The following NRBP2 variants were observed in gnomAD, a reference collection of about 807,000 sequenced individuals.
The protein encoded by NRBP2 is nuclear receptor binding protein 2.
NRBP2 carries 47 observed loss-of-function variants against 74.4 expected under a neutral mutation model. The ratio of observed to expected loss-of-function variants is 0.63; its 90% CI spans 0.50 to 0.81. The LOEUF (loss-of-function observed/expected upper bound fraction) is 0.81. NRBP2 is among the 30% of genes least tolerant of loss of function. The probability of loss-of-function intolerance (pLI) is 0.00; values close to 1 mark genes in which losing one functional copy is unlikely to be tolerated. For missense variants in NRBP2, 613 were observed against 690.1 expected, an observed-to-expected ratio of 0.89 and a Z score of 1.25; for synonymous variants, 312 against 273.8, an observed-to-expected ratio of 1.14 and a Z score of -1.38.
chr8:143,836,243 AG>A, intron 14 of NRBP2, 63 bp from the exon 15 acceptor site: 1 of 1,452,178 alleles, frequency 6.9e-7, no homozygotes, highest in Non-Finnish European at 9.0e-7. Context: ...GCGGCCCCAA[AG>A]GGGCCGGGAA....
chr8:143,831,889 C>T (rs1160634456), downstream of NRBP2, among the ~76,000 whole-genome samples: 2 of 152,194 alleles, frequency 1.3e-5, no homozygotes, highest in Non-Finnish European at 2.9e-5. Context: ...AAGAAAATGA[C>T]ACAATACCCT....
chr8:143,836,507 G>T (rs1256067562), intron 14 of NRBP2, among the ~76,000 whole-genome samples: 1 of 151,964 alleles, frequency 6.6e-6, no homozygotes, highest in Non-Finnish European at 1.5e-5. Context: ...CCCAGAGCCT[G>T]GGTGTCAGCT....
chr8:143,839,125 G>C lies in NRBP2; in HGVS notation c.605-25C>G. 2.0e-6 allele frequency: 3 copies of C among 1,512,016 alleles called. No homozygotes were observed. Among genetic ancestry groups the C allele is most frequent in the Non-Finnish European group, 2.6e-6 (3 of 1,132,294 alleles). The allele number at this position is 1,512,016 out of a possible 1,614,324, so 93.7% of individuals were successfully genotyped here. ...GCTGTGGGAGGGCGCAGAGCTGAGC[G>C]GGCGGGGACCTCTCCAGGACCCCGT... is the stretch of plus-strand genomic sequence containing the variant. On this transcript the variant is annotated intron_variant, in intron 7 of 17. Coordinates refer to ENST00000442628, the MANE Select transcript of NRBP2 (RefSeq NM_178564.4). The surrounding 1 kb of genome is among the most constrained non-coding windows in gnomAD (Gnocchi z 5.1).
At position 143,840,668 on chromosome 8, in the gene NRBP2, A is replaced by G; in HGVS notation, c.129+38T>C. The G allele has an allele frequency of 7.0e-7, 1 of 1,425,492 alleles. No homozygotes were observed. The highest frequency in any genetic ancestry group is 9.2e-7 in the Non-Finnish European group (1 of 1,085,074). The allele number at this position is 1,425,492 out of a possible 1,614,324, so 88.3% of individuals were successfully genotyped here. On this transcript the variant is annotated intron_variant, in intron 1 of 17. Coordinates refer to ENST00000442628, the MANE Select transcript of NRBP2 (RefSeq NM_178564.4). The surrounding 1 kb of genome is among the most constrained non-coding windows in gnomAD (Gnocchi z 5.7). Reference sequence around the variant, plus strand: ...GCCTCCAGGCCCCTCCCGCTCTGGGAGGGCGGTGTCACCCCGTGCCCCAAC... The same window carrying G: ...GCCTCCAGGCCCCTCCCGCTCTGGGGGGGCGGTGTCACCCCGTGCCCCAAC...
downstream of NRBP2, among the ~76,000 whole-genome samples, chr8:143,830,575 G>A (rs1312287056): frequency 6.6e-6 from 1 of 152,232 alleles, no homozygotes; most frequent in African/African-American, 2.4e-5. Context: ...GCAGCTCCTA[G>A]CTCAAAAGAA....
In NRBP2 at chr8:143,840,688, C is replaced by A; in HGVS notation, c.129+18G>T. 6.8e-7 allele frequency: 1 copy of A among 1,472,950 alleles called. No homozygotes were observed. The highest frequency in any genetic ancestry group is 9.0e-7 in the Non-Finnish European group (1 of 1,113,586). The allele number at this position is 1,472,950 out of a possible 1,614,324, so 91.2% of individuals were successfully genotyped here. ...CTGGGAGGGCGGTGTCACCCCGTGCCCCAACCCCCGCGCCCACCTGCTCCC... is the reference window on the plus strand; with the variant it reads ...CTGGGAGGGCGGTGTCACCCCGTGCACCAACCCCCGCGCCCACCTGCTCCC... On this transcript the variant is annotated intron_variant, in intron 1 of 17. Transcript: ENST00000442628. This position sits in a 1 kb window ranked among gnomAD's most constrained non-coding sequence, Gnocchi z 5.7.
At chr8:143,836,966 A>G in intron 14 of NRBP2, 73 bp downstream of exon 14, 2 of 1,522,490 alleles carry the variant, frequency 1.3e-6, no homozygotes, top group East Asian at 2.3e-5. Flanking sequence ...GCCCTAAGAG[A>G]AGGAGGGGCA....
chr8:143,836,275 G>A, intron 14 of NRBP2, 95 bp from the exon 15 acceptor site: 1 of 1,420,178 alleles, frequency 7.0e-7, no homozygotes, highest in Non-Finnish European at 9.2e-7. Flanking sequence ...AGACTGGAAA[G>A]GGGGGAATCT....
At chr8:143,832,072 C>G (rs1376917020), downstream of NRBP2, among the ~76,000 whole-genome samples, 1 of 152,236 alleles carries the variant, frequency 6.6e-6, no homozygotes, top group Non-Finnish European at 1.5e-5. Context: ...TTGTTTTGTA[C>G]TAAGGAAAAT....
At position 143,836,503 on chromosome 8, in the gene NRBP2, G is replaced by A. The variant is rs1457273781; in HGVS notation, c.1264-323C>T. 1.3e-5 allele frequency among the ~76,000 whole-genome samples: 2 copies of A among 151,956 alleles called. 1 individual carries two copies. Among genetic ancestry groups the A allele is most frequent in the Non-Finnish European group, 2.9e-5 (2 of 67,988 alleles). On this transcript the variant is annotated intron_variant, in intron 14 of 17. Transcript: ENST00000442628. ...TGCCTGCGGGATCAGGCCTCCCAGA[G>A]CCTGGGTGTCAGCTGAGGACTCCCA...
Position 143,839,067 on chromosome 8 carries a change from G to T in NRBP2, c.638C>A (p.Ala213Asp). Residue 213 changes from alanine (A) to aspartate (D), a missense_variant, in exon 8 of 18, where the codon GCT becomes GAT. Transcript: ENST00000442628. This position sits in a 1 kb window ranked among gnomAD's most constrained non-coding sequence, Gnocchi z 5.1. Reference sequence around the variant, plus strand: ...CAGGTTCCGAAGTTCCTCTCGCTCAGCGCGGATGGGGCTTCGGAGATCATC... The same window carrying T: ...CAGGTTCCGAAGTTCCTCTCGCTCATCGCGGATGGGGCTTCGGAGATCATC... ...LPDDLRSPIR[A>D]EREELRNLHF... 1 of 1,533,350 alleles carries T rather than the reference G, an allele frequency of 6.5e-7. No individual in the cohort carries two copies. 95.0% of individuals were successfully genotyped at this position (1,533,350 alleles called of 1,614,324 possible).
At chr8:143,832,524 A>G (rs1188095579), downstream of NRBP2, among the ~76,000 whole-genome samples, 1 of 152,236 alleles carries the variant, frequency 6.6e-6, no homozygotes, top group Non-Finnish European at 1.5e-5. Context: ...CTCCATATAA[A>G]ACCTGATTGC....
In NRBP2 at chr8:143,837,833, C is replaced by G. The variant is rs1554652370; in HGVS notation, c.841-78G>C. On this transcript the variant is annotated intron_variant, in intron 10 of 17. Coordinates refer to ENST00000442628, the MANE Select transcript of NRBP2 (RefSeq NM_178564.4). This position sits in a 1 kb window ranked among gnomAD's most constrained non-coding sequence, Gnocchi z 4.3. ...CCCGCAGTTCGAGGAGAGGTGGCCC[C>G]TGAGTTCCCCATGTCCCTCCTCAGG... 1.3e-6 allele frequency: 2 copies of G among 1,519,600 alleles called. No individual in the cohort carries two copies. The highest frequency in any genetic ancestry group is 1.4e-5 in the African/African-American group (1 of 72,600). 94.1% of individuals were successfully genotyped at this position (1,519,600 alleles called of 1,614,324 possible).
chr8:143,831,761 G>A (rs146232230), downstream of NRBP2, among the ~76,000 whole-genome samples: 2 of 152,314 alleles, frequency 1.3e-5, no homozygotes, highest in Non-Finnish European at 2.9e-5. Flanking sequence ...ATGGGTGAAA[G>A]GGAAGTTGTA....
At chr8:143,830,714 C>T (rs1818125170), downstream of NRBP2, among the ~76,000 whole-genome samples, 1 of 152,204 alleles carries the variant, frequency 6.6e-6, no homozygotes. Context: ...TGCAGCTGGA[C>T]AGCCCAGGAT....
Position 143,836,156 on chromosome 8 carries a change from C to T in NRBP2, c.1288G>A (p.Glu430Lys), listed in dbSNP as rs1818371949. The change falls in exon 15 of 18, where the codon GAG becomes AAG. Residue 430 changes from glutamate (E) to lysine (K), a missense_variant. Glu to Lys is a moderately conservative substitution (Grantham distance 56). Coordinates refer to ENST00000442628, the MANE Select transcript of NRBP2 (RefSeq NM_178564.4). ...CAGCGCGCCTTGTCCTCGCTTCTCT[C>T]CAGGTTGCACTGCATCTGGATGACC... is the stretch of plus-strand genomic sequence containing the variant. ...RKVIQMQCNL[E>K]RSEDKARWHL... 1.3e-6 allele frequency: 2 copies of T among 1,587,670 alleles called. No homozygotes were observed. Among genetic ancestry groups the T allele is most frequent in the Non-Finnish European group, 1.7e-6 (2 of 1,171,148 alleles).
chr8:143,835,923 G>A lies in NRBP2; in HGVS notation c.1381+44C>T, dbSNP rs544902793. 50 of 1,592,022 alleles carry A rather than the reference G, an allele frequency of 3.1e-5. No individual in the cohort carries two copies. The highest frequency in any genetic ancestry group is 6.7e-5 in the South Asian group (6 of 89,424). On this transcript the variant is annotated intron_variant, in intron 16 of 17. Coordinates refer to ENST00000442628, the MANE Select transcript of NRBP2 (RefSeq NM_178564.4). This position sits in a 1 kb window ranked among gnomAD's most constrained non-coding sequence, Gnocchi z 4.9. ...GGCATGAGGCCGCTGCCCACCCGCC[G>A]CCTGGGGTCACCGCCCGCCGCCCAA...
rs1554652594 is a variant in NRBP2, at chr8:143,838,743, G to A, written c.777C>T (p.Asp259=). 6.2e-7 allele frequency: 1 copy of A among 1,613,334 alleles called. No individual in the cohort carries two copies. The highest frequency in any genetic ancestry group is 8.5e-7 in the Non-Finnish European group (1 of 1,179,682). Residue 259 remains aspartate (D), a synonymous_variant, in exon 10 of 18, where the codon GAC becomes GAT. Coordinates refer to ENST00000442628, the MANE Select transcript of NRBP2 (RefSeq NM_178564.4). ...MAVLEIQTNG[D]TRVTEEAIAR... ...CAATGGCCTCCTCTGTGACCCGGGT[G>A]TCCCCATTGGTCTGGATTTCCAGTA...
In NRBP2 at chr8:143,839,345, A is replaced by G. The variant is rs1554652934; in HGVS notation, c.549T>C (p.Ile183=). ...CGATCTTGATGAGGCCGTTGTGCTG[A>G]ATGAAGATGGTGTCGCTGGTCAGGT... The part of the protein sequence containing the change: ...HGNLTSDTIF[I]QHNGLIKIGS... The change falls in exon 6 of 18, where the codon ATT becomes ATC. Residue 183 remains isoleucine (I), a synonymous_variant. Coordinates refer to ENST00000442628, the MANE Select transcript of NRBP2 (RefSeq NM_178564.4). The surrounding 1 kb of genome is among the most constrained non-coding windows in gnomAD (Gnocchi z 5.1). 1.3e-6 allele frequency: 2 copies of G among 1,571,468 alleles called. No homozygotes were observed. Among genetic ancestry groups the G allele is most frequent in the Non-Finnish European group, 1.7e-6 (2 of 1,165,452 alleles).
Sources: allele counts gnomAD v4.1 joint callset (sites outside exome capture counted in the v4.1 genomes callset), GRCh38; gene constraint gnomAD v4.1.1; non-coding constraint Gnocchi (gnomAD v3.1); transcripts MANE v1.5; gene names NCBI Gene and HGNC (gene_info 2026-07-23, HGNC 2026-07-21).